The following ARHGEF10L variants were observed in gnomAD, a reference collection of about 807,000 sequenced individuals.
ARHGEF10L encodes rho guanine nucleotide exchange factor 10-like protein.
A neutral mutation model predicts 141.2 loss-of-function variants in ARHGEF10L; 69 were observed. The ratio of observed to expected loss-of-function variants is 0.49; its 90% CI spans 0.40 to 0.60. ARHGEF10L has a LOEUF of 0.60. Ranked by LOEUF, ARHGEF10L falls within the 20% of genes least tolerant of loss-of-function variation. The probability of loss-of-function intolerance (pLI) is 0.00; values close to 1 mark genes in which losing one functional copy is unlikely to be tolerated. For missense variants in ARHGEF10L, 1,482 were observed against 1,734.3 expected, an observed-to-expected ratio of 0.85 and a Z score of 2.58; for synonymous variants, 711 against 718.5, an observed-to-expected ratio of 0.99 and a Z score of 0.17.
At chr1:17,671,873 C>CA (rs1202408742) in intron 26 of ARHGEF10L, among the ~76,000 whole-genome samples, 1 of 152,220 alleles carries the variant, frequency 6.6e-6, no homozygotes, top group Non-Finnish European at 1.5e-5. Flanking sequence ...AGGCCTGACG[C>CA]AGAGCAGGTG....
Position 17,625,286 on chromosome 1 carries a change from G to A in ARHGEF10L, c.1318-670G>A, listed in dbSNP as rs1199185925. The stretch of plus-strand genomic sequence containing the variant: ...AGAGGCAGGAGGAGAGGGATGGGCA[G>A]GTCTGTTTGGATTCTGGGAGCACTG... On this transcript the variant is annotated intron_variant, in intron 13 of 28. Coordinates refer to ENST00000361221, the MANE Select transcript of ARHGEF10L (RefSeq NM_018125.4). This position sits in a 1 kb window ranked among gnomAD's most constrained non-coding sequence, Gnocchi z 4.5. 1.3e-5 allele frequency among the ~76,000 whole-genome samples: 2 copies of A among 152,214 alleles called. No homozygotes were observed. The highest frequency in any genetic ancestry group is 2.9e-5 in the Non-Finnish European group (2 of 68,036).
chr1:17,624,600 A>G (rs1415996953), intron 13 of ARHGEF10L, 97 bp downstream of exon 13: 8 of 978,646 alleles, frequency 8.2e-6, no homozygotes, highest in Non-Finnish European at 1.3e-5. Context: ...GTATGACATC[A>G]TAGCTTTGGC....
chr1:17,651,575 C>T (rs1457417688), intron 22 of ARHGEF10L, among the ~76,000 whole-genome samples: 4 of 152,160 alleles, frequency 2.6e-5, no homozygotes, highest in African/African-American at 9.7e-5. Context: ...ACAGAACTGG[C>T]CACTGCCTCC....
rs1263775923 is a variant in ARHGEF10L at position 17,627,397 on chromosome 1, T to A, written c.1478T>A (p.Leu493Gln). The change falls in exon 15 of 29, where the codon CTG becomes CAG. Residue 493 changes from leucine (L) to glutamine (Q), a missense_variant. Physicochemically the swap from Leu to Gln is moderately radical, Grantham distance 113. This residue lies in a region of ARHGEF10L where 392 missense variants were observed against 542.1 expected (regional missense o/e 0.72). Coordinates refer to ENST00000361221, the MANE Select transcript of ARHGEF10L (RefSeq NM_018125.4). This position sits in a 1 kb window ranked among gnomAD's most constrained non-coding sequence, Gnocchi z 4.0. The part of the protein sequence containing the change: ...RLSLQLALTE[L>Q]ETLAEKLNEQ... Reference sequence around the variant, plus strand: ...TCGCTGCAGCTGGCCCTCACAGAGCTGGAGACGCTGGCTGAGAAGCTGAAC... The same window carrying A: ...TCGCTGCAGCTGGCCCTCACAGAGCAGGAGACGCTGGCTGAGAAGCTGAAC... 1 of 1,614,046 alleles carries A rather than the reference T, an allele frequency of 6.2e-7. No homozygotes were observed. The highest frequency in any genetic ancestry group is 8.5e-7 in the Non-Finnish European group (1 of 1,180,036).
At position 17,627,622 on chromosome 1, in the gene ARHGEF10L, C is replaced by A; in HGVS notation, c.1584+119C>A. ...CAGTGTTCTCTGAGGGAGGGGAGGCCTTGCTCTTCCAAGGATGTGACCTTG... is the reference window on the plus strand; with the variant it reads ...CAGTGTTCTCTGAGGGAGGGGAGGCATTGCTCTTCCAAGGATGTGACCTTG... On this transcript the variant is annotated intron_variant, in intron 15 of 28. Coordinates refer to ENST00000361221, the MANE Select transcript of ARHGEF10L (RefSeq NM_018125.4). This position sits in a 1 kb window ranked among gnomAD's most constrained non-coding sequence, Gnocchi z 4.0. The A allele has an allele frequency of 7.9e-7, 1 of 1,266,274 alleles. No individual in the cohort carries two copies. The highest frequency in any genetic ancestry group is 1.1e-6 in the Non-Finnish European group (1 of 924,898). The allele number at this position is 1,266,274 out of a possible 1,614,324, so 78.4% of individuals were successfully genotyped here. A position where few individuals can be genotyped will look rare whatever the true frequency, so the allele number is the denominator to read the frequency against.
In ARHGEF10L at chr1:17,654,772, A is replaced by G; in HGVS notation, c.2481+50A>G. ...GGCATTCTGGCCTCAGGACAGGAGT[A>G]GGGAGAGCGGCACCTGGGAGGGGGT... On this transcript the variant is annotated intron_variant, in intron 23 of 28. Coordinates refer to ENST00000361221, the MANE Select transcript of ARHGEF10L (RefSeq NM_018125.4). The surrounding 1 kb of genome is among the most constrained non-coding windows in gnomAD (Gnocchi z 4.3). 1 of 1,543,068 alleles carries G rather than the reference A, an allele frequency of 6.5e-7. No homozygotes were observed. Among genetic ancestry groups the G allele is most frequent in the Non-Finnish European group, 8.9e-7 (1 of 1,119,116 alleles).
chr1:17,620,062 G>T (rs1401947374), intron 10 of ARHGEF10L, among the ~76,000 whole-genome samples: 1 of 152,142 alleles, frequency 6.6e-6, no homozygotes, highest in Non-Finnish European at 1.5e-5. Context: ...AATTAGATGT[G>T]CATGGTGGTA....
At chr1:17,514,252 C>T in the ARHGEF10L span, among the ~76,000 whole-genome samples, 1 of 150,536 alleles carries the variant, frequency 6.6e-6, no homozygotes, top group Non-Finnish European at 1.5e-5. Flanking sequence ...TCTCCTGCCT[C>T]AGCCTCCCGA....
intron 1 of ARHGEF10L, among the ~76,000 whole-genome samples, chr1:17,579,241 G>T (rs191210822): frequency 2.0e-4 from 31 of 152,230 alleles, no homozygotes; most frequent in Non-Finnish European, 4.4e-5. Context: ...GGCTGGTCTC[G>T]AACTCCTGAC....
chr1:17,577,546 T>A (rs1262204985), intron 1 of ARHGEF10L, among the ~76,000 whole-genome samples: 11 of 152,226 alleles, frequency 7.2e-5, no homozygotes, highest in African/African-American at 2.7e-4. Context: ...GTCCACATCC[T>A]TCTGAGACTA....
chr1:17,596,888 C>T (rs1490914443), intron 4 of ARHGEF10L, among the ~76,000 whole-genome samples: 1 of 152,180 alleles, frequency 6.6e-6, no homozygotes, highest in Non-Finnish European at 1.5e-5. Context: ...CCTGTCTCAA[C>T]TAAAAATACA....
chr1:17,586,124 T>G (rs183861989), intron 2 of ARHGEF10L, among the ~76,000 whole-genome samples: 11 of 152,282 alleles, frequency 7.2e-5, no homozygotes, highest in Admixed American at 6.5e-4. Context: ...GATAGCCCCC[T>G]CTCCACCCAC....
the ARHGEF10L span, among the ~76,000 whole-genome samples, chr1:17,529,977 C>T: frequency 1.3e-4 from 20 of 151,908 alleles, no homozygotes; most frequent in Non-Finnish European, 1.9e-4. Flanking sequence ...GGACTACAGG[C>T]GCCTGCCACC....
chr1:17,622,960 G>A, intron 11 of ARHGEF10L, 36 bp from the exon 12 acceptor site: 1 of 1,590,354 alleles, frequency 6.3e-7, no homozygotes, highest in African/African-American at 1.3e-5. Flanking sequence ...AGAGGCTGCG[G>A]CCTGGCCTGC....
At position 17,623,205 on chromosome 1, in the gene ARHGEF10L, C is replaced by T. The variant is rs1557853193; in HGVS notation, c.1200+30C>T. 1 of 1,604,880 alleles carries T rather than the reference C, an allele frequency of 6.2e-7. No individual in the cohort carries two copies. The highest frequency in any genetic ancestry group is 8.5e-7 in the Non-Finnish European group (1 of 1,175,308). On this transcript the variant is annotated intron_variant, in intron 12 of 28. Transcript: ENST00000361221. This position sits in a 1 kb window ranked among gnomAD's most constrained non-coding sequence, Gnocchi z 4.7. Reference sequence around the variant, plus strand: ...GTGTCCCCAAACTTTTTCCCCAGCCCACCAAGGTAAAACCACAACCAGTCT... The same window carrying T: ...GTGTCCCCAAACTTTTTCCCCAGCCTACCAAGGTAAAACCACAACCAGTCT...
At chr1:17,565,197 A>G (rs1436193584) in intron 1 of ARHGEF10L, among the ~76,000 whole-genome samples, 1 of 152,134 alleles carries the variant, frequency 6.6e-6, no homozygotes, top group Admixed American at 6.5e-5. Context: ...CAAGGATACT[A>G]ATCCCATTCA....
chr1:17,684,024 C>T (rs758451126), intron 26 of ARHGEF10L, among the ~76,000 whole-genome samples: 43 of 152,294 alleles, frequency 2.8e-4, no homozygotes, highest in African/African-American at 7.5e-4. Context: ...TTTGTGCATC[C>T]GTGAGCAAGG....
intron 4 of ARHGEF10L, among the ~76,000 whole-genome samples, chr1:17,591,408 ATT>A (rs35249582): frequency 0.29 from 35,206 of 120,924 alleles, 4,824 homozygotes; most frequent in Non-Finnish European, 0.36. Flanking sequence ...ATGCCTGGCT[ATT>A]TTTTTTTTTT....
intron 1 of ARHGEF10L, among the ~76,000 whole-genome samples, chr1:17,560,533 C>G (rs2077504189): frequency 6.6e-6 from 1 of 152,166 alleles, no homozygotes; most frequent in South Asian, 2.1e-4. Context: ...GGGGCCTGGG[C>G]TTGGATTTGG....
Sources: gnomAD v4.1 joint callset for allele counts (sites outside exome capture counted in the v4.1 genomes callset) on GRCh38, gnomAD v4.1.1 for gene constraint, gnomAD v4.1.1 regional missense constraint, Gnocchi (gnomAD v3.1) non-coding constraint, MANE v1.5 for transcripts, NCBI Gene and HGNC (gene_info 2026-07-23, HGNC 2026-07-21) for gene names.